Variants in TENM2 observed in about 807,000 individuals in gnomAD.
TENM2 encodes the protein teneurin-2.
Under a neutral mutation model 245.2 loss-of-function variants are expected in TENM2, and 52 were observed. That is an observed-to-expected ratio of 0.21 (90% CI 0.17 to 0.27). The LOEUF is 0.27. Ranked by LOEUF, TENM2 falls within the 10% of genes least tolerant of loss-of-function variation. The pLI, the probability that TENM2 is intolerant of heterozygous loss-of-function variation, is 1.00. For synonymous variants in TENM2, 1,363 were observed against 1,438.9 expected, an observed-to-expected ratio of 0.95 and a Z score of 1.19; for missense variants, 3,046 against 3,666.8, an observed-to-expected ratio of 0.83 and a Z score of 4.37.
chr5:167,048,265 A>T, the TENM2 span, among the ~76,000 whole-genome samples: 13 of 152,176 alleles, frequency 8.5e-5, no homozygotes, highest in Non-Finnish European at 1.8e-4. Flanking sequence ...TAAAGTAATT[A>T]AAAAAATTCT....
At chr5:167,818,769 G>A (rs908481718) in intron 2 of TENM2, among the ~76,000 whole-genome samples, 13 of 152,182 alleles carry the variant, frequency 8.5e-5, no homozygotes, top group African/African-American at 3.1e-4. Context: ...AACAGTCTCT[G>A]TTCTCATCGC....
At chr5:167,319,214 G>A in intron 1 of TENM2, among the ~76,000 whole-genome samples, 1 of 152,184 alleles carries the variant, frequency 6.6e-6, no homozygotes, top group East Asian at 1.9e-4. Flanking sequence ...TGCATGTAAA[G>A]TATATTGTAG....
chr5:167,925,490 T>C (rs1261976736), intron 3 of TENM2, among the ~76,000 whole-genome samples: 1 of 152,158 alleles, frequency 6.6e-6, no homozygotes, highest in African/African-American at 2.4e-5. Flanking sequence ...ATTATATGCT[T>C]AAGACACTGC....
At chr5:167,595,323 G>T (rs1199791656) in intron 2 of TENM2, among the ~76,000 whole-genome samples, 1 of 151,984 alleles carries the variant, frequency 6.6e-6, no homozygotes, top group African/African-American at 2.4e-5. Context: ...AAGGTGCCAA[G>T]AAATATCGAG....
chr5:167,740,614 A>T (rs576316710), intron 2 of TENM2, among the ~76,000 whole-genome samples: 1 of 152,158 alleles, frequency 6.6e-6, no homozygotes, highest in African/African-American at 2.4e-5. Flanking sequence ...GTGCTACCTG[A>T]TTCTTATCTT....
At chr5:167,096,578 C>G in the TENM2 span, among the ~76,000 whole-genome samples, 1 of 152,212 alleles carries the variant, frequency 6.6e-6, no homozygotes, top group Non-Finnish European at 1.5e-5. Flanking sequence ...CTCTAAACAT[C>G]TGACCAGCCT....
chr5:167,015,537 G>T, the TENM2 span, among the ~76,000 whole-genome samples: 1 of 152,056 alleles, frequency 6.6e-6, no homozygotes, highest in Non-Finnish European at 1.5e-5. Flanking sequence ...CAGAATTACT[G>T]GGTCATCTTC....
chr5:168,029,070 A>C (rs1462510211), intron 5 of TENM2, among the ~76,000 whole-genome samples: 1 of 152,204 alleles, frequency 6.6e-6, no homozygotes, highest in Non-Finnish European at 1.5e-5. Context: ...GGGAAGTCCA[A>C]GATCAAGGCA....
chr5:168,109,027 T>C (rs538484006), intron 9 of TENM2, among the ~76,000 whole-genome samples: 29 of 152,224 alleles, frequency 1.9e-4, no homozygotes, highest in African/African-American at 6.0e-4. Context: ...AAACCTTCCA[T>C]CATTCATACC....
At chr5:168,211,943 G>A (rs1021950816) in intron 20 of TENM2, among the ~76,000 whole-genome samples, 189 bp downstream of exon 22, 4 of 152,166 alleles carry the variant, frequency 2.6e-5, no homozygotes, top group African/African-American at 7.2e-5. Context: ...CAGTCAAAAA[G>A]CAACCAAATA....
chr5:167,916,023 G>A (rs947778121), intron 3 of TENM2, among the ~76,000 whole-genome samples: 1 of 152,136 alleles, frequency 6.6e-6, no homozygotes, highest in Non-Finnish European at 1.5e-5. Context: ...TTTAAAAAGG[G>A]CCTAATTTAT....
At chr5:167,634,039 G>T (rs1376398821) in intron 2 of TENM2, among the ~76,000 whole-genome samples, 1 of 152,138 alleles carries the variant, frequency 6.6e-6, no homozygotes, top group Admixed American at 6.5e-5. Context: ...TAAATTAGTT[G>T]TGGAAAACTT....
At chr5:167,451,956 A>AT (rs1473735530) in intron 2 of TENM2, among the ~76,000 whole-genome samples, 1 of 152,062 alleles carries the variant, frequency 6.6e-6, no homozygotes, top group African/African-American at 2.4e-5. Flanking sequence ...GCAGCAACTG[A>AT]TTTTTTAAAA....
At chr5:167,306,589 A>G (rs1581706674) in intron 1 of TENM2, 1 of 152,212 alleles carries the variant, frequency 6.6e-6, no homozygotes, top group African/African-American at 2.4e-5. Context: ...GGCAGCTTTA[A>G]CAGATAGATG....
intron 9 of TENM2, among the ~76,000 whole-genome samples, chr5:168,112,295 G>A (rs1340881673): frequency 6.6e-6 from 1 of 152,084 alleles, no homozygotes; most frequent in East Asian, 1.9e-4. Flanking sequence ...GTCATGGGGG[G>A]TTGTTGTACA....
chr5:167,711,153 A>T (rs1221168151), intron 2 of TENM2, among the ~76,000 whole-genome samples: 1 of 152,206 alleles, frequency 6.6e-6, no homozygotes, highest in Non-Finnish European at 1.5e-5. Flanking sequence ...TTCAAATCCA[A>T]GTCTGACAAC....
the TENM2 span, among the ~76,000 whole-genome samples, chr5:166,991,169 ATT>A: frequency 0.013 from 1,838 of 139,646 alleles, 33 homozygotes; most frequent in East Asian, 0.091. Context: ...TGGTGTTTTG[ATT>A]TTTTTTTTTT....
chr5:168,171,484 C>T (rs1758821041), intron 13 of TENM2, among the ~76,000 whole-genome samples: 1 of 152,144 alleles, frequency 6.6e-6, no homozygotes, highest in Admixed American at 6.5e-5. Flanking sequence ...TGTGCTGCTG[C>T]AAGGAAGCCT....
chr5:168,092,933 G>T (rs953026665), intron 8 of TENM2, among the ~76,000 whole-genome samples: 3 of 152,178 alleles, frequency 2.0e-5, no homozygotes, highest in Non-Finnish European at 4.4e-5. Flanking sequence ...CGTGTCTGTT[G>T]CTTCCTCAAC....
Sources: gnomAD v4.1 joint callset for allele counts (sites outside exome capture counted in the v4.1 genomes callset) on GRCh38, gnomAD v4.1.1 for gene constraint, MANE v1.5 for transcripts, NCBI Gene and HGNC (gene_info 2026-07-23, HGNC 2026-07-21) for gene names.